PCDHGA2: variants seen among roughly 807,000 people sequenced by gnomAD.
PCDHGA2 encodes protocadherin gamma subfamily A, 2.
In PCDHGA2, 40 loss-of-function variants were observed where a neutral mutation model predicts 59.2. The ratio of observed to expected loss-of-function variants is 0.68; its 90% CI spans 0.52 to 0.88. The LOEUF is 0.88. Among genes scored for constraint, PCDHGA2 ranks in the 40% least tolerant of loss-of-function variants. The pLI, the probability that PCDHGA2 is intolerant of heterozygous loss-of-function variation, is 0.00. For synonymous variants in PCDHGA2, 560 were observed against 526.0 expected, an observed-to-expected ratio of 1.06 and a Z score of -0.89; for missense variants, 1,226 against 1,204.0, an observed-to-expected ratio of 1.02 and a Z score of -0.27.
At chr5:141,394,744 T>C (rs755757019) in intron 1 of PCDHGA2, 1 of 1,613,408 alleles carries the variant, frequency 6.2e-7, no homozygotes, top group Non-Finnish European at 8.5e-7. Flanking sequence ...AGCCTCGTGG[T>C]GGCCGTCCAG....
At position 141,409,627 on chromosome 5, in the gene PCDHGA2, C is replaced by A. The variant is rs761778894; in HGVS notation, c.2424+68232C>A. ...CAGGAGCCTCCATTGCGCAAGTGAG[C>A]GCCTCTGACCCGGATTTGGGGCTCA... On this transcript the variant is annotated intron_variant, in intron 1 of 3. Coordinates refer to ENST00000394576, the MANE Select transcript of PCDHGA2 (RefSeq NM_018915.4). 5.0e-5 allele frequency: 80 copies of A among 1,613,716 alleles called. No individual in the cohort carries two copies. The Admixed American group carries it at 1.2e-3, about 24-fold the overall frequency.
chr5:141,364,171 C>G (rs914010009), intron 1 of PCDHGA2: 73 of 786,522 alleles, frequency 9.3e-5, no homozygotes, highest in Admixed American at 2.2e-4. Context: ...CGACCCGACT[C>G]TGCTCCCTCC....
At chr5:141,407,497 G>GTTTTTTTTTTTTTTTTTTTTTTT (rs1554102286) in intron 1 of PCDHGA2, among the ~76,000 whole-genome samples, 2 of 152,088 alleles carry the variant, frequency 1.3e-5, no homozygotes, top group African/African-American at 4.8e-5. Context: ...CTTTATTTCT[G>GTTTTTTTTTTTTTTTTTTTTTTT]TTTTTCTTAG....
At chr5:141,422,911 G>A (rs375046528) in intron 1 of PCDHGA2, 5 of 1,614,118 alleles carry the variant, frequency 3.1e-6, no homozygotes, top group African/African-American at 2.7e-5. Flanking sequence ...CAATGCGCCC[G>A]AGATCCTGTA....
intron 1 of PCDHGA2, chr5:141,383,840 T>G: frequency 1.2e-6 from 2 of 1,613,952 alleles, no homozygotes; most frequent in South Asian, 2.2e-5. Flanking sequence ...GAAACTGCCT[T>G]CTATGAAATG....
At chr5:141,413,092 T>C in intron 1 of PCDHGA2, 1 of 1,429,614 alleles carries the variant, frequency 7.0e-7, no homozygotes, top group Non-Finnish European at 9.4e-7. Context: ...AGAGACACCC[T>C]GAAGCCACAG....
chr5:141,346,494 T>C (rs1199386487), intron 1 of PCDHGA2: 3 of 1,612,084 alleles, frequency 1.9e-6, no homozygotes. Flanking sequence ...TAAGAACAAA[T>C]ATGAGAATGT....
intron 1 of PCDHGA2, chr5:141,362,509 A>G: frequency 6.2e-7 from 1 of 1,614,038 alleles, no homozygotes; most frequent in African/African-American, 1.3e-5. Flanking sequence ...ACAAAATACA[A>G]ATCATGGAGC....
intron 1 of PCDHGA2, among the ~76,000 whole-genome samples, chr5:141,452,579 A>G (rs1320327475): frequency 6.6e-6 from 1 of 151,944 alleles, no homozygotes; most frequent in Non-Finnish European, 1.5e-5. Context: ...CCCCCTTTCC[A>G]TCTTTGTATT....
At chr5:141,453,087 T>G (rs2098755775) in intron 1 of PCDHGA2, among the ~76,000 whole-genome samples, 1 of 152,150 alleles carries the variant, frequency 6.6e-6, no homozygotes, top group Non-Finnish European at 1.5e-5. Context: ...TTGATTAGTA[T>G]ATTTTCTGTT....
At position 141,491,904 on chromosome 5, in the gene PCDHGA2, G is replaced by C; in HGVS notation, c.2425-2903G>C. The C allele has an allele frequency of 7.0e-7, 1 of 1,423,838 alleles. No individual in the cohort carries two copies. The allele number at this position is 1,423,838 out of a possible 1,614,324, so 88.2% of individuals were successfully genotyped here. ...GGATGGGGCTCCGAGCACCGGGGGT[G>C]GTGGCGACTGTGGGCGAGGGGAGGT... On this transcript the variant is annotated intron_variant, in intron 1 of 3. Coordinates refer to ENST00000394576, the MANE Select transcript of PCDHGA2 (RefSeq NM_018915.4). This position sits in a 1 kb window ranked among gnomAD's most constrained non-coding sequence, Gnocchi z 6.9.
chr5:141,370,576 T>C, intron 1 of PCDHGA2: 1 of 1,613,974 alleles, frequency 6.2e-7, no homozygotes, highest in Non-Finnish European at 8.5e-7. Context: ...GTGGGGGATT[T>C]ACCTACTAGG....
chr5:141,405,177 G>A, intron 1 of PCDHGA2: 3 of 1,614,140 alleles, frequency 1.9e-6, no homozygotes, highest in African/African-American at 1.3e-5. Flanking sequence ...CACTTTGTGG[G>A]TGTAGATGGG....
chr5:141,434,870 C>G (rs1263324193), intron 1 of PCDHGA2, among the ~76,000 whole-genome samples: 3 of 151,726 alleles, frequency 2.0e-5, no homozygotes, highest in Non-Finnish European at 1.5e-5. Flanking sequence ...ATATATGTGA[C>G]AGATACCAAC....
Position 141,422,832 on chromosome 5 carries a change from A to G in PCDHGA2, c.2425-71975A>G, listed in dbSNP as rs12520854. On this transcript the variant is annotated intron_variant, in intron 1 of 3. Coordinates refer to ENST00000394576, the MANE Select transcript of PCDHGA2 (RefSeq NM_018915.4). Reference sequence around the variant, plus strand: ...GAGACTTAGAACTGAGAGTGATAGCACGTGACAGCGGGGACCCGCCCCTCA... The same window carrying G: ...GAGACTTAGAACTGAGAGTGATAGCGCGTGACAGCGGGGACCCGCCCCTCA... The G allele has an allele frequency of 6.8e-3, 10,902 of 1,614,192 alleles. 60 individuals are homozygous for G. The highest frequency in any genetic ancestry group is 7.9e-3 in the Non-Finnish European group (9,294 of 1,180,036).
intron 1 of PCDHGA2, chr5:141,384,813 C>G: frequency 6.2e-7 from 1 of 1,613,412 alleles, no homozygotes. Flanking sequence ...GAGATGCCCT[C>G]AAGCAGAGCC....
chr5:141,383,681 T>G (rs1299329378), intron 1 of PCDHGA2: 2 of 1,613,902 alleles, frequency 1.2e-6, no homozygotes, highest in Non-Finnish European at 1.7e-6. Flanking sequence ...GGTACAAGAC[T>G]GCTCACGGTA....
At chr5:141,348,342 G>C (rs1389925388) in intron 1 of PCDHGA2, among the ~76,000 whole-genome samples, 2 of 152,158 alleles carry the variant, frequency 1.3e-5, no homozygotes, top group Non-Finnish European at 2.9e-5. Context: ...CATAGCCAGG[G>C]GAGGACTTCT....
At chr5:141,480,722 C>T (rs1002559431) in intron 1 of PCDHGA2, among the ~76,000 whole-genome samples, 1 of 152,174 alleles carries the variant, frequency 6.6e-6, no homozygotes, top group African/African-American at 2.4e-5. Flanking sequence ...AAAGCACAGT[C>T]TCTGGGGGTG....
Sources: gnomAD v4.1 joint callset for allele counts (sites outside exome capture counted in the v4.1 genomes callset) on GRCh38, gnomAD v4.1.1 for gene constraint, Gnocchi (gnomAD v3.1) non-coding constraint, MANE v1.5 for transcripts, NCBI Gene and HGNC (gene_info 2026-07-23, HGNC 2026-07-21) for gene names.